SLC25A18: variants seen among roughly 807,000 people sequenced by gnomAD.
SLC25A18 encodes the protein mitochondrial glutamate carrier 2.
In SLC25A18, 24 loss-of-function variants were observed where a neutral mutation model predicts 31.1. The observed-to-expected ratio is 0.77, with a 90% CI of 0.56 to 1.08. The LOEUF is 1.08. Among genes scored for constraint, SLC25A18 ranks in the 50% least tolerant of loss-of-function variants. SLC25A18 has a pLI of 0.00. For missense variants in SLC25A18, 371 were observed against 418.5 expected, an observed-to-expected ratio of 0.89 and a Z score of 0.99; for synonymous variants, 173 against 161.9, an observed-to-expected ratio of 1.07 and a Z score of -0.52.
chr22:17,589,991 G>A, intron 10 of SLC25A18, 104 bp from the exon 11 acceptor site: 2 of 1,472,208 alleles, frequency 1.4e-6, no homozygotes, highest in Non-Finnish European at 1.8e-6. Flanking sequence ...TGTTGTGGAA[G>A]GCACTATTCT....
rs762887033 is a variant in SLC25A18 at position 17,581,333 on chromosome 22, C to T, written c.144-25C>T. ...GGCTGGGAGGCCCGCTGCACACTTA[C>T]TCCTACTCTGGCCTCTGCTTCCAGG... On this transcript the variant is annotated intron_variant, in intron 4 of 10. Transcript: ENST00000327451. 32 of 1,613,726 alleles carry T rather than the reference C, an allele frequency of 2.0e-5. 1 individual carries two copies. The South Asian group carries it at 3.5e-4, about 18-fold the overall frequency.
chr22:17,564,467 C>CT (rs1263850423), intron 1 of SLC25A18, among the ~76,000 whole-genome samples: 1 of 152,116 alleles, frequency 6.6e-6, no homozygotes, highest in Non-Finnish European at 1.5e-5. Context: ...CATTTTGGTC[C>CT]TTAGATGCAG....
At chr22:17,572,558 T>C (rs2057119711) in intron 2 of SLC25A18, among the ~76,000 whole-genome samples, 1 of 151,736 alleles carries the variant, frequency 6.6e-6, no homozygotes. Context: ...CTTTGAGTGG[T>C]TGAGGTGGGA....
At chr22:17,590,038 AG>A in intron 10 of SLC25A18, 56 bp from the exon 11 acceptor site, 1 of 1,606,468 alleles carries the variant, frequency 6.2e-7, no homozygotes, top group Non-Finnish European at 8.5e-7. Context: ...GCTGCCACTG[AG>A]GGCTGCTTGC....
intron 1 of SLC25A18, among the ~76,000 whole-genome samples, chr22:17,564,527 A>G (rs1340251189): frequency 6.6e-6 from 1 of 152,170 alleles, no homozygotes; most frequent in Non-Finnish European, 1.5e-5. Context: ...TAGAAAAAAG[A>G]ATACAAACAG....
At chr22:17,568,581 T>TTTTTG (rs2057001646) in intron 1 of SLC25A18, among the ~76,000 whole-genome samples, 1 of 126,566 alleles carries the variant, frequency 7.9e-6, no homozygotes, top group African/African-American at 3.2e-5. Flanking sequence ...TTTTTTTTTT[T>TTTTTG]GAGACAGTCT....
intron 1 of SLC25A18, 88 bp from the exon 2 acceptor site, chr22:17,569,836 A>C: frequency 1.0e-6 from 1 of 985,374 alleles, no homozygotes; most frequent in Non-Finnish European, 1.2e-6. Context: ...TGCAGTGGTG[A>C]TGAGGGGGAG....
At chr22:17,585,567 T>C (rs1307775532) in intron 7 of SLC25A18, among the ~76,000 whole-genome samples, 2 of 151,848 alleles carry the variant, frequency 1.3e-5, no homozygotes, top group Non-Finnish European at 2.9e-5. Context: ...AAATACAGAA[T>C]TTCAGTGTCA....
At chr22:17,584,398 GAAAA>G (rs1366535977) in intron 7 of SLC25A18, among the ~76,000 whole-genome samples, 3 of 84,514 alleles carry the variant, frequency 3.5e-5, no homozygotes, top group East Asian at 6.3e-4. Flanking sequence ...ATCTCAAAAA[GAAAA>G]GAAAGAAAGA....
At chr22:17,589,564 CTTACT>C (rs763687586) in intron 9 of SLC25A18, 21 bp from the exon 10 acceptor site, 2 of 1,551,086 alleles carry the variant, frequency 1.3e-6, no homozygotes, top group East Asian at 4.5e-5. Flanking sequence ...CTGTTCACTA[CTTACT>C]TTAACTTTTA....
chr22:17,565,024 T>C (rs5992740), intron 1 of SLC25A18, among the ~76,000 whole-genome samples: 18,895 of 152,110 alleles, frequency 0.12, 1,249 homozygotes, highest in South Asian at 0.22. Flanking sequence ...GATGCTCTTA[T>C]TTCTGCCTGC....
rs113525555 is a variant in SLC25A18, at chr22:17,577,888, A to G, written c.-200-1857A>G. On this transcript the variant is annotated intron_variant, in intron 2 of 10. Coordinates refer to ENST00000327451, the MANE Select transcript of SLC25A18 (RefSeq NM_031481.3). The stretch of plus-strand genomic sequence containing the variant: ...GACGGGGTTTCACCATGTTGCCCAG[A>G]CTGGTCTCGAACTCCTGACCTCAGG... Among the ~76,000 whole-genome samples, 438 of 149,908 alleles carry G rather than the reference A, an allele frequency of 2.9e-3. 2 individuals carry two copies. The highest frequency in any genetic ancestry group is 0.01 in the African/African-American group (423 of 40,702).
At chr22:17,583,650 G>C in intron 7 of SLC25A18, 116 bp downstream of exon 7, 1 of 1,426,376 alleles carries the variant, frequency 7.0e-7, no homozygotes, top group Non-Finnish European at 9.3e-7. Flanking sequence ...TTCCAAGCAG[G>C]TAGAAGTTTT....
chr22:17,579,983 GC>G lies in SLC25A18; in HGVS notation c.20+21del. The G allele has an allele frequency of 6.2e-7, 1 of 1,607,972 alleles. No individual in the cohort carries two copies. On this transcript the variant is annotated intron_variant, in intron 3 of 10. Coordinates refer to ENST00000327451, the MANE Select transcript of SLC25A18 (RefSeq NM_031481.3). ...ATCTGAGGTGAGCTCGGCTGGGGCA[GC>G]CTGAGGCCCTGGGCCCTGGGCCTGG... is the stretch of plus-strand genomic sequence containing the variant.
rs770714883 is a variant in SLC25A18, at chr22:17,579,981, C to T, written c.20+17C>T. The T allele has an allele frequency of 2.1e-5, 34 of 1,607,966 alleles. 1 individual carries two copies. The South Asian group carries it at 3.8e-4, about 18-fold the overall frequency. ...GGATCTGAGGTGAGCTCGGCTGGGG[C>T]AGCCTGAGGCCCTGGGCCCTGGGCC... On this transcript the variant is annotated intron_variant, in intron 3 of 10. Transcript: ENST00000327451.
chr22:17,573,319 G>A (rs2057146838), intron 2 of SLC25A18, among the ~76,000 whole-genome samples: 1 of 152,152 alleles, frequency 6.6e-6, no homozygotes. Flanking sequence ...GAATGCTGCT[G>A]AGTGGTGAGA....
intron 5 of SLC25A18, chr22:17,582,262 G>A (rs950625973): frequency 2.3e-4 from 45 of 197,032 alleles, no homozygotes; most frequent in Non-Finnish European, 3.3e-4. Flanking sequence ...TGTAGTCCCA[G>A]CTACTAGGGA....
At chr22:17,580,674 G>A (rs1246220025) in intron 3 of SLC25A18, 2 of 1,032,804 alleles carry the variant, frequency 1.9e-6, no homozygotes, top group African/African-American at 1.7e-5. Context: ...CCTTCAGTCC[G>A]TTTGTGTGAG....
chr22:17,583,672 G>A (rs2057443317), intron 7 of SLC25A18, 138 bp downstream of exon 7: 2 of 1,190,380 alleles, frequency 1.7e-6, no homozygotes, highest in Admixed American at 2.5e-5. Flanking sequence ...GGCCAGGCAT[G>A]GTGGCTCATG....
Sources: allele counts gnomAD v4.1 joint callset (sites outside exome capture counted in the v4.1 genomes callset), GRCh38; gene constraint gnomAD v4.1.1; transcripts MANE v1.5; gene names NCBI Gene and HGNC (gene_info 2026-07-23, HGNC 2026-07-21).